Variants in TMEM108 observed in about 807,000 individuals in gnomAD.
TMEM108 encodes transmembrane protein 108.
TMEM108 carries 12 observed loss-of-function variants against 35.1 expected under a neutral mutation model. The ratio of observed to expected loss-of-function variants is 0.34; its 90% CI spans 0.22 to 0.55. The LOEUF (loss-of-function observed/expected upper bound fraction) is 0.55. Among genes scored for constraint, TMEM108 ranks in the 20% least tolerant of loss-of-function variants. The pLI, the probability that TMEM108 is intolerant of heterozygous loss-of-function variation, is 0.89. For missense variants in TMEM108, 680 were observed against 753.3 expected (o/e 0.90, Z 1.14); for synonymous variants, 287 against 308.6 (o/e 0.93, Z 0.73).
intron 2 of TMEM108, among the ~76,000 whole-genome samples, chr3:133,121,890 C>T (rs1976831): frequency 0.41 from 62,711 of 151,868 alleles, 14,591 homozygotes; most frequent in African/African-American, 0.64. Context: ...CGGAGTGTTC[C>T]TTCTAACCTT....
At chr3:133,316,457 G>A (rs2071200578) in intron 3 of TMEM108, among the ~76,000 whole-genome samples, 1 of 152,178 alleles carries the variant, frequency 6.6e-6, no homozygotes. Context: ...TTAGAGAGCT[G>A]TGTGGTCATT....
At chr3:133,149,189 C>A (rs1430490843) in intron 2 of TMEM108, among the ~76,000 whole-genome samples, 1 of 152,100 alleles carries the variant, frequency 6.6e-6, no homozygotes, top group African/African-American at 2.4e-5. Context: ...TCAGATGAAA[C>A]AGTTCACCTT....
At chr3:133,077,413 G>A (rs928800918) in intron 2 of TMEM108, among the ~76,000 whole-genome samples, 8 of 152,104 alleles carry the variant, frequency 5.3e-5, no homozygotes, top group South Asian at 2.1e-4. Context: ...AGGGGCAGGC[G>A]GTGAGATAGG....
intron 2 of TMEM108, among the ~76,000 whole-genome samples, chr3:133,052,790 TC>T (rs1317959050): frequency 6.6e-6 from 1 of 152,168 alleles, no homozygotes; most frequent in Non-Finnish European, 1.5e-5. Context: ...TGTAGAATTT[TC>T]CTGTCTGTTA....
intron 3 of TMEM108, among the ~76,000 whole-genome samples, chr3:133,295,292 C>T (rs1038040793): frequency 6.6e-6 from 1 of 152,090 alleles, no homozygotes; most frequent in Non-Finnish European, 1.5e-5. Flanking sequence ...CAAAGCTTTT[C>T]TGGAGGGAGG....
intron 2 of TMEM108, among the ~76,000 whole-genome samples, chr3:133,155,558 T>A (rs535215566): frequency 6.6e-6 from 1 of 152,184 alleles, no homozygotes; most frequent in Non-Finnish European, 1.5e-5. Flanking sequence ...CTGACTGATA[T>A]GAGATGGTAT....
chr3:133,166,447 A>T (rs1333654705), intron 2 of TMEM108, among the ~76,000 whole-genome samples: 3 of 152,216 alleles, frequency 2.0e-5, no homozygotes, highest in Non-Finnish European at 4.4e-5. Flanking sequence ...GAAGCCGTGG[A>T]CCCTCGCAGT....
intron 2 of TMEM108, among the ~76,000 whole-genome samples, chr3:133,071,158 T>A (rs1879492): frequency 0.4 from 60,758 of 152,066 alleles, 12,726 homozygotes; most frequent in Admixed American, 0.48. Flanking sequence ...ATATACTCTT[T>A]ACTCACTGTT....
rs145412426 is a variant in TMEM108 at position 133,040,493 on chromosome 3, A to G, written c.-166+2058A>G. ...GCTGGGATTACAGGCATGAGCCACC[A>G]TGCCGGCCAGAAAATTTTTTTTTTT... On this transcript the variant is annotated intron_variant, in intron 1 of 5. Coordinates refer to ENST00000321871, the MANE Select transcript of TMEM108 (RefSeq NM_023943.4). Among the ~76,000 whole-genome samples, 363 of 152,150 alleles carry G rather than the reference A, an allele frequency of 2.4e-3. 3 individuals carry two copies. The highest frequency in any genetic ancestry group is 8.2e-3 in the African/African-American group (341 of 41,550).
chr3:133,100,411 G>A (rs533474395), intron 2 of TMEM108, among the ~76,000 whole-genome samples: 1 of 152,230 alleles, frequency 6.6e-6, no homozygotes, highest in South Asian at 2.1e-4. Flanking sequence ...ACCAGCTCTG[G>A]CAATATGGTG....
At chr3:133,243,583 C>A (rs899005297) in intron 3 of TMEM108, among the ~76,000 whole-genome samples, 1 of 151,886 alleles carries the variant, frequency 6.6e-6, no homozygotes, top group Non-Finnish European at 1.5e-5. Flanking sequence ...TAGAGTGGCG[C>A]GATCTCGGCT....
At chr3:133,105,727 G>T (rs1201501064) in intron 2 of TMEM108, among the ~76,000 whole-genome samples, 1 of 152,162 alleles carries the variant, frequency 6.6e-6, no homozygotes, top group Non-Finnish European at 1.5e-5. Flanking sequence ...GGATAAACTG[G>T]CTTGGCATAT....
rs532279749 is a variant in TMEM108, at chr3:133,234,060, C to T, written c.40+4709C>T. Among the ~76,000 whole-genome samples the T allele has an allele frequency of 7.8e-3, 1,180 of 152,110 alleles. 19 individuals carry two copies. The highest frequency in any genetic ancestry group is 0.026 in the African/African-American group (1,096 of 41,504). On this transcript the variant is annotated intron_variant, in intron 3 of 5. Coordinates refer to ENST00000321871, the MANE Select transcript of TMEM108 (RefSeq NM_023943.4). Reference sequence around the variant, plus strand: ...TTTAGTTTATTTAGATCCCATTTGTCAATTTTGGCTTTTGTTGCCATTGCT... The same window carrying T: ...TTTAGTTTATTTAGATCCCATTTGTTAATTTTGGCTTTTGTTGCCATTGCT...
intron 4 of TMEM108, chr3:133,386,607 A>G: frequency 6.9e-7 from 1 of 1,440,516 alleles, no homozygotes; most frequent in Non-Finnish European, 9.1e-7. Flanking sequence ...AAACTCAAGG[A>G]AATTGGGACT....
rs767446642 is a variant in TMEM108 at position 133,380,685 on chromosome 3, C to T, written c.974C>T (p.Pro325Leu). The change falls in exon 4 of 6, where the codon CCA (proline) becomes CTA (leucine). Residue 325 changes from proline (P) to leucine (L), a missense_variant. This residue lies in a region of TMEM108 where 526 missense variants were observed against 532.1 expected (regional missense o/e 0.99). Transcript: ENST00000321871. This position sits in a 1 kb window ranked among gnomAD's most constrained non-coding sequence, Gnocchi z 5.3. Reference protein sequence around the residue: ...VPSQRPHHGDPQDGPSHSDSW... With the variant: ...VPSQRPHHGDLQDGPSHSDSW... ...TCTCAGCGCCCCCACCACGGTGACC[C>T]ACAGGATGGCCCCAGCCATAGTGAC... The T allele has an allele frequency of 4.3e-6, 7 of 1,614,166 alleles. No homozygotes were observed. The highest frequency in any genetic ancestry group is 4.2e-6 in the Non-Finnish European group (5 of 1,180,020).
chr3:133,061,483 G>A (rs538870287), intron 2 of TMEM108, among the ~76,000 whole-genome samples: 1 of 152,130 alleles, frequency 6.6e-6, no homozygotes, highest in South Asian at 2.1e-4. Context: ...AAAGTGCTGG[G>A]ATTACAGGCA....
chr3:133,261,576 T>C (rs1559885551), intron 3 of TMEM108, among the ~76,000 whole-genome samples: 1 of 152,178 alleles, frequency 6.6e-6, no homozygotes, highest in Admixed American at 6.5e-5. Flanking sequence ...TCCTGGAGGA[T>C]TGTAAAGGGT....
intron 3 of TMEM108, among the ~76,000 whole-genome samples, chr3:133,353,456 G>A (rs2072066861): frequency 6.6e-6 from 1 of 152,208 alleles, no homozygotes; most frequent in African/African-American, 2.4e-5. Context: ...CAAGAATCCA[G>A]TGTGACTTCA....
chr3:133,350,538 A>T (rs2071962066), intron 3 of TMEM108, among the ~76,000 whole-genome samples: 1 of 152,210 alleles, frequency 6.6e-6, no homozygotes, highest in Non-Finnish European at 1.5e-5. Context: ...CAAAACATCA[A>T]ATTGTTCTCT....
Sources: allele counts gnomAD v4.1 joint callset (sites outside exome capture counted in the v4.1 genomes callset), GRCh38; gene constraint gnomAD v4.1.1; regional missense constraint gnomAD v4.1.1; non-coding constraint Gnocchi (gnomAD v3.1); transcripts MANE v1.5; gene names NCBI Gene and HGNC (gene_info 2026-07-23, HGNC 2026-07-21).